IAPP: variants seen among roughly 807,000 people sequenced by gnomAD.
The protein encoded by IAPP is Islet amyloid polypeptide (diabetes-associated peptide; amylin).
In IAPP, 4 loss-of-function variants were observed where a neutral mutation model predicts 2.9. The observed-to-expected ratio is 1.39, with a 90% confidence interval of 0.69 to 3.19. The LOEUF (loss-of-function observed/expected upper bound fraction) is 3.19, where lower values mean the gene tolerates loss of function less well. IAPP is among the 30% of genes most tolerant of loss of function. The pLI is 0.01. For missense variants in IAPP, 114 were observed against 105.3 expected (o/e 1.08, Z -0.36); for synonymous variants, 40 against 42.1 (o/e 0.95, Z 0.19).
chr12:21,362,630 T>A lies in IAPP; in HGVS notation c.-16+7617T>A, dbSNP rs1939009529. ...AAATTGGATAAAGAGTCAAGACGCA[T>A]CAGTGTGTGGTATTCAGGAGACCCA... On this transcript the variant is annotated intron_variant, in intron 1 of 2. Transcript: ENST00000539393. 3.9e-5 allele frequency among the ~76,000 whole-genome samples: 6 copies of A among 152,212 alleles called. No homozygotes were observed. In the South Asian group the frequency reaches 1.2e-3, roughly 32 times the overall value.
intron 1 of IAPP, among the ~76,000 whole-genome samples, chr12:21,359,133 A>G (rs11045998): frequency 0.32 from 49,204 of 151,902 alleles, 8,280 homozygotes; most frequent in East Asian, 0.46. Flanking sequence ...AAGACTAAAA[A>G]CTAGAAGATT....
Position 21,378,750 on chromosome 12 carries a change from C to A in IAPP, c.*324C>A. On this transcript the variant is annotated 3_prime_UTR_variant, in exon 3 of 3. Coordinates refer to ENST00000240652, the MANE Select transcript of IAPP (RefSeq NM_000415.3). The stretch of plus-strand genomic sequence containing the variant: ...AGTTTGAACCTTGGTAAATTGTAAA[C>A]AGCTAATAATGAAGTTATTCTTGAC... 1 of 238,060 alleles carries A rather than the reference C, an allele frequency of 4.2e-6. No individual in the cohort carries two copies. Among genetic ancestry groups the A allele is most frequent in the Non-Finnish European group, 8.3e-6 (1 of 120,122 alleles). 14.7% of individuals were successfully genotyped at this position (238,060 alleles called of 1,614,324 possible).
intron 1 of IAPP, among the ~76,000 whole-genome samples, chr12:21,358,867 T>C (rs1392412882): frequency 6.6e-6 from 1 of 152,316 alleles, no homozygotes; most frequent in East Asian, 1.9e-4. Context: ...TAATCTATAC[T>C]TCATTTAACC....
chr12:21,365,741 T>C (rs1939324178), intron 1 of IAPP, among the ~76,000 whole-genome samples: 1 of 152,020 alleles, frequency 6.6e-6, no homozygotes, highest in Admixed American at 6.6e-5. Flanking sequence ...GGGTGAAGGA[T>C]ATGAACAGAC....
upstream of IAPP, among the ~76,000 whole-genome samples, chr12:21,370,499 G>T (rs1276113486): frequency 8.4e-6 from 1 of 119,306 alleles, no homozygotes; most frequent in African/African-American, 3.4e-5. Context: ...CCCACAACAG[G>T]CCCTGGTGTG....
Position 21,357,747 on chromosome 12 carries a change from T to C in IAPP, c.-16+2734T>C, listed in dbSNP as rs182416235. 3.4e-3 allele frequency among the ~76,000 whole-genome samples: 524 copies of C among 152,278 alleles called. 4 individuals carry two copies. The highest frequency in any genetic ancestry group is 0.012 in the African/African-American group (496 of 41,540). ...TTTTTGTTTTTATCTGGAGGAATCA[T>C]CAAGCCTTTCTAAAGCTCCTAATCT... On this transcript the variant is annotated intron_variant, in intron 1 of 2. Transcript: ENST00000539393.
intron 1 of IAPP, among the ~76,000 whole-genome samples, chr12:21,367,839 A>G (rs1312332652): frequency 6.6e-6 from 1 of 152,118 alleles, no homozygotes; most frequent in Admixed American, 6.5e-5. Context: ...AAATACATAT[A>G]AAGTATATTT....
chr12:21,357,088 T>C lies in IAPP; in HGVS notation c.-16+2075T>C, dbSNP rs564198373. On this transcript the variant is annotated intron_variant, in intron 1 of 2. Transcript: ENST00000539393. ...AAAGGATAAAAACAAACAAACACTATAGAATGTCCAGAAAACCTTTATGGG... is the reference window on the plus strand; with the variant it reads ...AAAGGATAAAAACAAACAAACACTACAGAATGTCCAGAAAACCTTTATGGG... Among the ~76,000 whole-genome samples the C allele has an allele frequency of 1.1e-4, 17 of 152,192 alleles. No homozygotes were observed. The South Asian group carries it at 3.5e-3, about 32-fold the overall frequency.
In IAPP at chr12:21,362,819, A is replaced by G. The variant is rs566437151; in HGVS notation, c.-16+7806A>G. On this transcript the variant is annotated intron_variant, in intron 1 of 2. Coordinates refer to the IAPP transcript ENST00000539393. ...GACAAGGCCATTACATAATGGTAAC[A>G]GGATCAATTCAACAAGAAGAGCTAA... Among the ~76,000 whole-genome samples the G allele has an allele frequency of 4.6e-5, 7 of 152,304 alleles. No homozygotes were observed. In the South Asian group the frequency reaches 1.0e-3, roughly 23 times the overall value.
rs547697942 is a variant in IAPP, at chr12:21,378,574, A to G, written c.*148A>G. On this transcript the variant is annotated 3_prime_UTR_variant, in exon 3 of 3. Transcript: ENST00000240652. The stretch of plus-strand genomic sequence containing the variant: ...ATATACCTTCTCAAAAGATTGTTTT[A>G]TATGTAGTACTAACTAAGGTCCCAT... 1.5e-6 allele frequency: 1 copy of G among 663,618 alleles called. No individual in the cohort carries two copies. The highest frequency in any genetic ancestry group is 1.8e-5 in the South Asian group (1 of 56,194). 41.1% of individuals were successfully genotyped at this position (663,618 alleles called of 1,614,324 possible).
upstream of IAPP, among the ~76,000 whole-genome samples, chr12:21,368,092 A>G (rs1939520949): frequency 6.6e-6 from 1 of 152,152 alleles, no homozygotes; most frequent in Non-Finnish European, 1.5e-5. Context: ...AGAATGAACA[A>G]CTTGCCTGCT....
upstream of IAPP, among the ~76,000 whole-genome samples, chr12:21,370,917 G>T (rs1328639452): frequency 1.3e-5 from 2 of 152,170 alleles, no homozygotes; most frequent in African/African-American, 4.8e-5. Context: ...CTTTGTTCAT[G>T]AAAGAGTTCA....
chr12:21,375,937 C>T (rs1372199857), intron 2 of IAPP, among the ~76,000 whole-genome samples: 1 of 152,044 alleles, frequency 6.6e-6, no homozygotes, highest in Non-Finnish European at 1.5e-5. Flanking sequence ...GGAGGTAATG[C>T]CTTTTATTAA....
intron 1 of IAPP, among the ~76,000 whole-genome samples, chr12:21,365,091 C>T (rs1486041477): frequency 3.9e-5 from 6 of 152,156 alleles, no homozygotes; most frequent in African/African-American, 9.7e-5. Context: ...ATTGCCAATA[C>T]GATCCTAAGC....
intron 1 of IAPP, among the ~76,000 whole-genome samples, chr12:21,360,612 G>A (rs1938767141): frequency 6.6e-6 from 1 of 152,214 alleles, no homozygotes; most frequent in Non-Finnish European, 1.5e-5. Flanking sequence ...GGAAGCACAA[G>A]GGGTGGGGGA....
chr12:21,356,517 A>G (rs990404035), intron 1 of IAPP, among the ~76,000 whole-genome samples: 3 of 143,240 alleles, frequency 2.1e-5, no homozygotes, highest in African/African-American at 7.9e-5. Flanking sequence ...GGAAGGAGAG[A>G]GGTAAGAAAA....
At chr12:21,368,874 C>A (rs896851809), upstream of IAPP, among the ~76,000 whole-genome samples, 200 of 152,164 alleles carry the variant, frequency 1.3e-3, no homozygotes, top group African/African-American at 4.6e-3. Flanking sequence ...GTGAGGAGAG[C>A]TGAATCTTCT....
chr12:21,359,186 C>T (rs772167475), intron 1 of IAPP, among the ~76,000 whole-genome samples: 3 of 152,228 alleles, frequency 2.0e-5, no homozygotes, highest in Admixed American at 6.5e-5. Context: ...AGACCATCCC[C>T]GCATACTTCC....
Position 21,373,327 on chromosome 12 carries a change from T to A in IAPP, c.-15-10T>A, listed in dbSNP as rs748052544. ...ATCTCTTGATTTCAGTGCTGGATTA[T>A]TCTTTGCAGAAAATTTGAGAAGCAA... On this transcript the variant is annotated splice_polypyrimidine_tract_variant and intron_variant, in intron 1 of 2. Transcript: ENST00000240652. 26 of 1,526,834 alleles carry A rather than the reference T, an allele frequency of 1.7e-5. No homozygotes were observed. The highest frequency in any genetic ancestry group is 2.2e-5 in the Non-Finnish European group (24 of 1,100,848). The allele number at this position is 1,526,834 out of a possible 1,614,324, so 94.6% of individuals were successfully genotyped here.
Sources: gnomAD v4.1 joint callset for allele counts (sites outside exome capture counted in the v4.1 genomes callset) on GRCh38, gnomAD v4.1.1 for gene constraint, MANE v1.5 for transcripts, NCBI Gene and HGNC (gene_info 2026-07-23, HGNC 2026-07-21) for gene names.